The following LRRC27 variants were observed in gnomAD, a reference collection of about 807,000 sequenced individuals.
The protein encoded by LRRC27 is leucine-rich repeat-containing protein 27.
In LRRC27, 57 loss-of-function variants were observed where a neutral mutation model predicts 55.0. The ratio of observed to expected loss-of-function variants is 1.04; its 90% confidence interval spans 0.84 to 1.29. The LOEUF is 1.29. Among genes scored for constraint, LRRC27 ranks in the 50% most tolerant of loss-of-function variants. LRRC27 has a pLI of 0.00. For synonymous variants in LRRC27, 278 were observed against 251.9 expected (o/e 1.10, Z -0.98); for missense variants, 721 against 651.5 (o/e 1.11, Z -1.16).
chr10:132,330,356 C>A (rs2138511117), upstream of LRRC27: 2 of 684,658 alleles, frequency 2.9e-6, no homozygotes, highest in Non-Finnish European at 5.5e-6. Flanking sequence ...GAAATAGCAT[C>A]GTGCTGAAAT....
intron 9 of LRRC27, among the ~76,000 whole-genome samples, chr10:132,362,637 TCGGGGGTC>T: frequency 7.1e-6 from 1 of 141,812 alleles, no homozygotes. Context: ...TCACAGCAGC[TCGGGGGTC>T]CAGGGCTCAC....
intron 10 of LRRC27, among the ~76,000 whole-genome samples, chr10:132,368,380 T>C (rs185572742): frequency 6.6e-6 from 1 of 152,320 alleles, no homozygotes; most frequent in Admixed American, 6.5e-5. Context: ...CAACACAGTA[T>C]TGATGGAAAA....
upstream of LRRC27, chr10:132,330,350 T>C (rs190619910): frequency 3.1e-3 from 2,092 of 682,092 alleles, 13 homozygotes; most frequent in South Asian, 0.01. Flanking sequence ...TTGTTAGAAA[T>C]AGCATCGTGC....
chr10:132,369,191 A>G (rs1294429065), intron 10 of LRRC27, among the ~76,000 whole-genome samples: 1 of 152,250 alleles, frequency 6.6e-6, no homozygotes, highest in East Asian at 1.9e-4. Context: ...TGGTACAGCC[A>G]CTTGGGAAGA....
chr10:132,334,070 C>T (rs1488474110), intron 2 of LRRC27, among the ~76,000 whole-genome samples: 1 of 152,204 alleles, frequency 6.6e-6, no homozygotes, highest in East Asian at 1.9e-4. Context: ...AATCAGGCAA[C>T]ATGAGCAGTT....
At chr10:132,365,343 T>C in intron 9 of LRRC27, 81 bp from the exon 10 acceptor site, 1 of 1,570,832 alleles carries the variant, frequency 6.4e-7, no homozygotes, top group East Asian at 2.3e-5. Flanking sequence ...AGGCACATGC[T>C]TTCTCCCTGG....
chr10:132,346,883 T>C (rs2067726550), intron 5 of LRRC27, among the ~76,000 whole-genome samples: 1 of 152,238 alleles, frequency 6.6e-6, no homozygotes, highest in South Asian at 2.1e-4. Flanking sequence ...AAACTTTTCC[T>C]TTCAAACCTA....
At chr10:132,345,973 A>G (rs536564939) in intron 5 of LRRC27, among the ~76,000 whole-genome samples, 7 of 152,364 alleles carry the variant, frequency 4.6e-5, no homozygotes, top group Non-Finnish European at 8.8e-5. Context: ...GGTGTGAGGA[A>G]GGCCAGCCAG....
chr10:132,367,173 C>T (rs185675778), intron 10 of LRRC27, among the ~76,000 whole-genome samples: 4 of 152,250 alleles, frequency 2.6e-5, no homozygotes, highest in Admixed American at 6.5e-5. Flanking sequence ...AGATTAATCC[C>T]TTGAAAGACA....
Position 132,361,493 on chromosome 10 carries a change from G to C in LRRC27, c.1207G>C (p.Asp403His). Residue 403 changes from aspartate (D) to histidine (H), a missense_variant, in exon 9 of 11, where the codon GAT becomes CAT. Coordinates refer to ENST00000368614, the MANE Select transcript of LRRC27 (RefSeq NM_030626.3). ...SKIPSATDLI[D>H]NRKVPLNPPG... is the part of the protein sequence containing the mutation. ...GATTCCCTCTGCCACAGATCTGATAGATAACAGGAAAGTACCACTGAATCC... is the reference window on the plus strand; with the variant it reads ...GATTCCCTCTGCCACAGATCTGATACATAACAGGAAAGTACCACTGAATCC... The C allele has an allele frequency of 6.2e-7, 1 of 1,613,892 alleles. No individual in the cohort carries two copies. The highest frequency in any genetic ancestry group is 1.1e-5 in the South Asian group (1 of 91,074).
intron 5 of LRRC27, among the ~76,000 whole-genome samples, chr10:132,346,927 G>T (rs1246433631): frequency 6.6e-6 from 1 of 152,226 alleles, no homozygotes; most frequent in East Asian, 1.9e-4. Context: ...GGAGCATGTG[G>T]CAGCCAGGGG....
At chr10:132,335,799 G>C (rs985344257) in intron 2 of LRRC27, among the ~76,000 whole-genome samples, 1 of 152,162 alleles carries the variant, frequency 6.6e-6, no homozygotes, top group Non-Finnish European at 1.5e-5. Flanking sequence ...GTCAGCTCAG[G>C]GGCTCTTCAA....
intron 2 of LRRC27, chr10:132,337,016 A>C: frequency 9.0e-7 from 1 of 1,117,304 alleles, no homozygotes; most frequent in Non-Finnish European, 1.2e-6. Flanking sequence ...TTGATGTGTC[A>C]ATCTGCTTCT....
Position 132,365,486 on chromosome 10 carries a change from A to G in LRRC27, c.1352A>G (p.Gln451Arg), listed in dbSNP as rs765824107. The part of the protein sequence containing the change: ...IKQHVLQMRE[Q>R]RRFHGQAPLE... ...CAGCACGTCCTCCAAATGCGTGAGC[A>G]AAGAAGATTCCATGGCCAGGCCCCA... is the stretch of plus-strand genomic sequence containing the variant. The change falls in exon 10 of 11, where the codon CAA becomes CGA. Residue 451 changes from glutamine (Q) to arginine (R), a missense_variant. Coordinates refer to ENST00000368614, the MANE Select transcript of LRRC27 (RefSeq NM_030626.3). 1 of 1,613,742 alleles carries G rather than the reference A, an allele frequency of 6.2e-7. No homozygotes were observed. Among genetic ancestry groups the G allele is most frequent in the South Asian group, 1.1e-5 (1 of 91,084 alleles).
At position 132,378,784 on chromosome 10, in the gene LRRC27, A is replaced by T. The variant is rs1315526587; in HGVS notation, c.*3542A>T. 6.6e-6 allele frequency: 1 copy of T among 152,552 alleles called. No individual in the cohort carries two copies. Among genetic ancestry groups the T allele is most frequent in the Non-Finnish European group, 1.5e-5 (1 of 68,198 alleles). The allele number at this position is 152,552 out of a possible 1,614,324, so 9.4% of individuals were successfully genotyped here. ...AGAAGAAACATCCCAGGCCCTGAGC[A>T]GCGTGTCTTTCCTCGGCCGAGTCAG... is the stretch of plus-strand genomic sequence containing the variant. On this transcript the variant is annotated 3_prime_UTR_variant, in exon 11 of 11. Coordinates refer to ENST00000368614, the MANE Select transcript of LRRC27 (RefSeq NM_030626.3).
At chr10:132,345,145 T>C (rs1178379080) in intron 5 of LRRC27, among the ~76,000 whole-genome samples, 1 of 152,248 alleles carries the variant, frequency 6.6e-6, no homozygotes, top group Non-Finnish European at 1.5e-5. Context: ...TATTTTCAGA[T>C]GCTCATGATG....
Position 132,348,344 on chromosome 10 carries a change from G to C in LRRC27, c.914G>C (p.Arg305Thr). Residue 305 changes from arginine (R) to threonine (T), a missense_variant, in exon 6 of 11, where the codon AGA becomes ACA. Physicochemically the swap from Arg to Thr is moderately conservative, Grantham distance 71 (BLOSUM62 -1). Coordinates refer to ENST00000368614, the MANE Select transcript of LRRC27 (RefSeq NM_030626.3). The surrounding 1 kb of genome is among the most constrained non-coding windows in gnomAD (Gnocchi z 4.2). The stretch of plus-strand genomic sequence containing the variant: ...ATTGAGAAAGAACTACCAAAGCCAA[G>C]ACACGTTTTCAGGTAAAACTGAAAA... ...LNIEKELPKP[R>T]HVFRRKTASS... is the part of the protein sequence containing the mutation. 6.2e-7 allele frequency: 1 copy of C among 1,609,196 alleles called. No homozygotes were observed. The highest frequency in any genetic ancestry group is 8.5e-7 in the Non-Finnish European group (1 of 1,176,302).
At chr10:132,355,545 GC>G (rs1270377380) in intron 7 of LRRC27, among the ~76,000 whole-genome samples, 1 of 152,192 alleles carries the variant, frequency 6.6e-6, no homozygotes, top group East Asian at 1.9e-4. Context: ...TTGGCCCCCA[GC>G]ATCAGTCACT....
At chr10:132,351,000 C>G (rs1175829195) in intron 6 of LRRC27, 1 of 153,200 alleles carries the variant, frequency 6.5e-6, no homozygotes, top group East Asian at 1.9e-4. Flanking sequence ...GCGACCCCAC[C>G]ATGTTACTGG....
Sources: allele counts gnomAD v4.1 joint callset (sites outside exome capture counted in the v4.1 genomes callset), GRCh38; gene constraint gnomAD v4.1.1; non-coding constraint Gnocchi (gnomAD v3.1); transcripts MANE v1.5; gene names NCBI Gene and HGNC (gene_info 2026-07-23, HGNC 2026-07-21).